Variants in ESRP1 observed in about 807,000 individuals in gnomAD.
ESRP1 encodes epithelial splicing regulatory protein 1.
Under a neutral mutation model 81.7 loss-of-function variants are expected in ESRP1, and 33 were observed. The ratio of observed to expected loss-of-function variants is 0.40; its 90% CI spans 0.31 to 0.54. ESRP1 has a LOEUF of 0.54. Among genes scored for constraint, ESRP1 ranks in the 20% least tolerant of loss-of-function variants. The pLI, the probability that ESRP1 is intolerant of heterozygous loss-of-function variation, is 0.41. For missense variants in ESRP1, 672 were observed against 833.1 expected (o/e 0.81, Z 2.38); for synonymous variants, 320 against 303.3 (o/e 1.06, Z -0.57).
At chr8:94,700,318 G>A (rs141273597) in intron 15 of ESRP1, among the ~76,000 whole-genome samples, 56 of 152,266 alleles carry the variant, frequency 3.7e-4, no homozygotes, top group African/African-American at 1.3e-3. Flanking sequence ...TATCTGGGTG[G>A]TCCCTAGATA....
rs368483762 is a variant in ESRP1, at chr8:94,662,025, C to T, written c.491-247C>T. 7.4e-4 allele frequency among the ~76,000 whole-genome samples: 113 copies of T among 152,274 alleles called. 2 individuals are homozygous for T. In the South Asian group the frequency reaches 0.023, roughly 31 times the overall value. On this transcript the variant is annotated intron_variant, in intron 4 of 15. Transcript: ENST00000433389. ...GAAAATGCTCAGTATTCATTTGCTACAACTGGGTAAATAAAAATTGTATTC... is the reference window on the plus strand; with the variant it reads ...GAAAATGCTCAGTATTCATTTGCTATAACTGGGTAAATAAAAATTGTATTC...
intron 13 of ESRP1, among the ~76,000 whole-genome samples, chr8:94,683,628 A>G (rs1258230951): frequency 6.6e-6 from 1 of 152,234 alleles, no homozygotes; most frequent in Non-Finnish European, 1.5e-5. Context: ...ATTTAGTATC[A>G]CAAATGCAGA....
intron 4 of ESRP1, among the ~76,000 whole-genome samples, chr8:94,658,400 G>C (rs1300891201): frequency 1.3e-5 from 2 of 152,260 alleles, no homozygotes; most frequent in East Asian, 3.9e-4. Flanking sequence ...AGGAAGATGG[G>C]GGCCTACACC....
chr8:94,691,689 T>A (rs774028577), intron 13 of ESRP1, among the ~76,000 whole-genome samples: 1 of 152,192 alleles, frequency 6.6e-6, no homozygotes, highest in South Asian at 2.1e-4. Flanking sequence ...TCAAAGACTT[T>A]TAGTCCCTTC....
chr8:94,657,502 T>TGTGTAA (rs922609136), intron 4 of ESRP1, among the ~76,000 whole-genome samples: 2 of 149,316 alleles, frequency 1.3e-5, no homozygotes, highest in African/African-American at 4.9e-5. Context: ...TGTGTGTGTG[T>TGTGTAA]GTAAGGAGAT....
At chr8:94,644,123 A>C (rs1038330482) in intron 3 of ESRP1, among the ~76,000 whole-genome samples, 4 of 152,174 alleles carry the variant, frequency 2.6e-5, no homozygotes, top group African/African-American at 9.7e-5. Context: ...CAGTCTTACT[A>C]TAGGTAAAAT....
chr8:94,696,561 G>A (rs1431964549), intron 14 of ESRP1, among the ~76,000 whole-genome samples: 2 of 152,134 alleles, frequency 1.3e-5, no homozygotes, highest in Non-Finnish European at 2.9e-5. Context: ...AACAGTACTA[G>A]GCAAGATCTG....
In ESRP1 at chr8:94,706,068, G is replaced by C; in HGVS notation, c.*179G>C. The C allele has an allele frequency of 9.4e-7, 1 of 1,059,954 alleles. No individual in the cohort carries two copies. Among genetic ancestry groups the C allele is most frequent in the Non-Finnish European group, 1.3e-6 (1 of 752,024 alleles). 65.7% of individuals were successfully genotyped at this position (1,059,954 alleles called of 1,614,324 possible). A position where few individuals can be genotyped will look rare whatever the true frequency, so the allele number is the denominator to read the frequency against. ...CGGGCCTGTGCCTTATCTTTTGGTG[G>C]AGTGAAAAAATTTGAGCTAGTGAAG... On this transcript the variant is annotated 3_prime_UTR_variant, in exon 16 of 16. Coordinates refer to ENST00000433389, the MANE Select transcript of ESRP1 (RefSeq NM_017697.4).
intron 9 of ESRP1, among the ~76,000 whole-genome samples, chr8:94,666,934 G>A (rs1257274129): frequency 1.3e-5 from 2 of 152,208 alleles, no homozygotes; most frequent in Non-Finnish European, 2.9e-5. Context: ...TGGGCTTGGT[G>A]GCTCATGCCT....
rs562965886 is a variant in ESRP1 at position 94,707,048 on chromosome 8, C to T, written c.*1159C>T. 6.6e-6 allele frequency: 1 copy of T among 152,308 alleles called. No individual in the cohort carries two copies. Among genetic ancestry groups the T allele is most frequent in the Admixed American group, 6.5e-5 (1 of 15,296 alleles). 9.4% of individuals were successfully genotyped at this position (152,308 alleles called of 1,614,324 possible). On this transcript the variant is annotated 3_prime_UTR_variant, in exon 16 of 16. Coordinates refer to ENST00000433389, the MANE Select transcript of ESRP1 (RefSeq NM_017697.4). ...TATTAGACACTAGCTAGTACTGCTG[C>T]CTCATGTAACTCCAAAGAAAACAGG...
In ESRP1 at chr8:94,662,296, C is replaced by T; in HGVS notation, c.515C>T (p.Ser172Leu). The change falls in exon 5 of 16, where the codon TCA becomes TTA. Residue 172 changes from serine to leucine, a missense_variant. Transcript: ENST00000433389. Reference sequence around the variant, plus strand: ...GATTTAAATTTTGAGAAGAGTAGTTCAGTCTCTCGATATGGAGCCTCTCAA... The same window carrying T: ...GATTTAAATTTTGAGAAGAGTAGTTTAGTCTCTCGATATGGAGCCTCTCAA... ...TEYLNFEKSSSVSRYGASQVE... is the reference protein window; with the variant it reads ...TEYLNFEKSSLVSRYGASQVE... 6.3e-7 allele frequency: 1 copy of T among 1,578,168 alleles called. No homozygotes were observed. The highest frequency in any genetic ancestry group is 8.6e-7 in the Non-Finnish European group (1 of 1,160,210).
At chr8:94,678,504 T>C in intron 13 of ESRP1, 133 bp downstream of exon 13, 1 of 1,018,594 alleles carries the variant, frequency 9.8e-7, no homozygotes, top group Non-Finnish European at 1.4e-6. Context: ...TCTGGTCATA[T>C]CTCTGACCAA....
At chr8:94,677,221 A>C (rs1395973878) in intron 12 of ESRP1, among the ~76,000 whole-genome samples, 4 of 152,338 alleles carry the variant, frequency 2.6e-5, no homozygotes, top group Middle Eastern at 6.8e-3. Context: ...ACAAAAGACA[A>C]TTTGAAGTCA....
intron 3 of ESRP1, among the ~76,000 whole-genome samples, chr8:94,644,421 T>C (rs1817749045): frequency 6.6e-6 from 1 of 152,200 alleles, no homozygotes. Flanking sequence ...ATTATGACAA[T>C]TCAAAAAGTT....
rs189566436 is a variant in ESRP1, at chr8:94,677,796, G to A, written c.1652-407G>A. ...ACTGACGGGTAGGTAGCAAGAGGGA[G>A]TAGAAGCATAACTTAAAATTTAAAA... is the stretch of plus-strand genomic sequence containing the variant. On this transcript the variant is annotated intron_variant, in intron 12 of 15. Transcript: ENST00000433389. 6.8e-4 allele frequency among the ~76,000 whole-genome samples: 104 copies of A among 152,282 alleles called. 1 individual carries two copies. The highest frequency in any genetic ancestry group is 6.5e-3 in the Admixed American group (100 of 15,292).
intron 9 of ESRP1, among the ~76,000 whole-genome samples, chr8:94,667,217 C>CAA (rs67664228): frequency 2.9e-5 from 4 of 138,348 alleles, no homozygotes; most frequent in Non-Finnish European, 4.8e-5. Flanking sequence ...AACTGTGTCT[C>CAA]AAAAAAAAAA....
At chr8:94,646,019 C>T (rs1000980497) in intron 3 of ESRP1, 149 bp from the exon 4 acceptor site, 19 of 525,052 alleles carry the variant, frequency 3.6e-5, no homozygotes, top group Non-Finnish European at 6.0e-5. Context: ...GAAACAGGAC[C>T]AACTTTTAAA....
chr8:94,669,330 T>G (rs1333535898), intron 10 of ESRP1, among the ~76,000 whole-genome samples: 5 of 152,220 alleles, frequency 3.3e-5, no homozygotes, highest in Admixed American at 3.3e-4. Flanking sequence ...AGGTCTGCTT[T>G]GTAAGTATTT....
chr8:94,687,638 T>C (rs1036243998), intron 13 of ESRP1, among the ~76,000 whole-genome samples: 36 of 152,332 alleles, frequency 2.4e-4, no homozygotes, highest in African/African-American at 8.4e-4. Flanking sequence ...GGGTTTGCTA[T>C]CTCATTATGA....
Sources: gnomAD v4.1 joint callset for allele counts (sites outside exome capture counted in the v4.1 genomes callset) on GRCh38, gnomAD v4.1.1 for gene constraint, MANE v1.5 for transcripts, NCBI Gene and HGNC (gene_info 2026-07-23, HGNC 2026-07-21) for gene names.